Variants in DACH1 observed in about 807,000 individuals in gnomAD.
The protein encoded by DACH1 is dachshund family transcription factor 1.
A neutral mutation model predicts 54.2 loss-of-function variants in DACH1; 12 were observed. The observed-to-expected ratio is 0.22, with a 90% CI of 0.14 to 0.36. The LOEUF is 0.36. DACH1 is among the 10% of genes least tolerant of loss of function. The pLI is 1.00. For synonymous variants in DACH1, 386 were observed against 366.2 expected (o/e 1.05, Z -0.62); for missense variants, 805 against 929.8 (o/e 0.87, Z 1.75).
rs368550520 is a variant in DACH1 at position 71,737,515 on chromosome 13, A to G, written c.849-55605T>C. On this transcript the variant is annotated intron_variant, in intron 1 of 10. Coordinates refer to ENST00000613252, the MANE Select transcript of DACH1 (RefSeq NM_080759.6). Reference sequence around the variant, plus strand: ...TGATGAAGGCATCTTTAAAATGGAGAAGAATGCAATCAATCTGGAAATAGT... The same window carrying G: ...TGATGAAGGCATCTTTAAAATGGAGGAGAATGCAATCAATCTGGAAATAGT... Among the ~76,000 whole-genome samples the G allele has an allele frequency of 3.9e-5, 6 of 152,208 alleles. No individual in the cohort carries two copies. In the South Asian group the frequency reaches 1.0e-3, roughly 26 times the overall value.
intron 1 of DACH1, among the ~76,000 whole-genome samples, chr13:71,705,219 C>A (rs1375971465): frequency 6.6e-6 from 1 of 152,272 alleles, no homozygotes; most frequent in African/African-American, 2.4e-5. Context: ...TGTCATAAAT[C>A]TTGGACTTCG....
intron 1 of DACH1, among the ~76,000 whole-genome samples, chr13:71,779,238 C>CATATACGTATATATACGT (rs1886246121): frequency 1.4e-5 from 1 of 71,456 alleles, no homozygotes; most frequent in African/African-American, 7.4e-5. Flanking sequence ...TATATATACA[C>CATATACGTATATATACGT]ATATATACGT....
chr13:71,857,653 C>T (rs1299592482), intron 1 of DACH1, among the ~76,000 whole-genome samples: 1 of 151,712 alleles, frequency 6.6e-6, no homozygotes, highest in African/African-American at 2.4e-5. Flanking sequence ...CAAGAACATT[C>T]ATCCTCATAT....
intron 1 of DACH1, among the ~76,000 whole-genome samples, chr13:71,858,240 A>T (rs945548347): frequency 6.6e-6 from 1 of 151,534 alleles, no homozygotes; most frequent in Non-Finnish European, 1.5e-5. Flanking sequence ...AAATAAGGTT[A>T]TTTTTTTCCT....
intron 1 of DACH1, among the ~76,000 whole-genome samples, chr13:71,721,139 C>A (rs74099113): frequency 0.04 from 6,018 of 152,166 alleles, 277 homozygotes; most frequent in African/African-American, 0.11. Context: ...CATGATTTCC[C>A]TATACATAGT....
intron 1 of DACH1, among the ~76,000 whole-genome samples, chr13:71,865,002 C>T (rs757075564): frequency 3.3e-5 from 5 of 152,150 alleles, no homozygotes; most frequent in Non-Finnish European, 7.3e-5. Flanking sequence ...AGACAGAGAA[C>T]TCGAAAGAGA....
intron 1 of DACH1, among the ~76,000 whole-genome samples, chr13:71,856,779 T>C (rs1314784620): frequency 6.6e-6 from 1 of 151,894 alleles, no homozygotes; most frequent in Non-Finnish European, 1.5e-5. Context: ...GAGAAAGTAA[T>C]TGATTTCAAT....
intron 2 of DACH1, among the ~76,000 whole-genome samples, chr13:71,676,676 G>T (rs531018712): frequency 4.6e-5 from 7 of 152,272 alleles, no homozygotes; most frequent in African/African-American, 1.7e-4. Flanking sequence ...ATATGTTTAT[G>T]AATTCACTAC....
intron 1 of DACH1, among the ~76,000 whole-genome samples, chr13:71,753,739 G>C (rs1885021420): frequency 6.6e-6 from 1 of 152,084 alleles, no homozygotes; most frequent in South Asian, 2.1e-4. Flanking sequence ...TCAATTATCT[G>C]CAATGGTTTA....
intron 2 of DACH1, among the ~76,000 whole-genome samples, chr13:71,663,809 CGATAGTT>C (rs1879660903): frequency 6.6e-6 from 1 of 151,792 alleles, no homozygotes; most frequent in South Asian, 2.1e-4. Flanking sequence ...AGGTATTTGA[CGATAGTT>C]GATATAATTC....
rs112423739 is a variant in DACH1, at chr13:71,814,419, C to T, written c.848+51503G>A. On this transcript the variant is annotated intron_variant, in intron 1 of 10. Coordinates refer to ENST00000613252, the MANE Select transcript of DACH1 (RefSeq NM_080759.6). Reference sequence around the variant, plus strand: ...TATGCTGCATGTATAGTTGTAACATCGGTATAAAGAGATAATATTTTAAAA... The same window carrying T: ...TATGCTGCATGTATAGTTGTAACATTGGTATAAAGAGATAATATTTTAAAA... Among the ~76,000 whole-genome samples, 611 of 152,198 alleles carry T rather than the reference C, an allele frequency of 4.0e-3. 1 individual carries two copies. Among genetic ancestry groups the T allele is most frequent in the African/African-American group, 0.014 (592 of 41,514 alleles).
At chr13:71,594,521 A>T (rs1240813001) in intron 3 of DACH1, among the ~76,000 whole-genome samples, 1 of 152,140 alleles carries the variant, frequency 6.6e-6, no homozygotes, top group Non-Finnish European at 1.5e-5. Flanking sequence ...CAGCCATAAA[A>T]TTCAATTAAA....
At chr13:71,733,363 G>A (rs1288610540) in intron 1 of DACH1, among the ~76,000 whole-genome samples, 1 of 152,024 alleles carries the variant, frequency 6.6e-6, no homozygotes, top group Non-Finnish European at 1.5e-5. Flanking sequence ...TTTGTGTTTT[G>A]TAGAGATAAG....
intron 6 of DACH1, among the ~76,000 whole-genome samples, chr13:71,528,148 A>T (rs1213322652): frequency 6.6e-6 from 1 of 152,162 alleles, no homozygotes; most frequent in East Asian, 1.9e-4. Flanking sequence ...AAGGAAAGAA[A>T]TATGTTGTTG....
intron 1 of DACH1, among the ~76,000 whole-genome samples, chr13:71,727,386 G>C (rs576259163): frequency 3.0e-4 from 46 of 152,032 alleles, no homozygotes; most frequent in African/African-American, 1.1e-3. Context: ...TAATTTTCTA[G>C]ATCTTCCCTA....
chr13:71,809,634 T>G (rs1887635451), intron 1 of DACH1, among the ~76,000 whole-genome samples: 1 of 152,220 alleles, frequency 6.6e-6, no homozygotes, highest in Non-Finnish European at 1.5e-5. Context: ...ATCAATTTCT[T>G]ATTTTTTCCA....
chr13:71,470,572 C>T (rs980843396), intron 10 of DACH1, among the ~76,000 whole-genome samples: 2 of 152,044 alleles, frequency 1.3e-5, no homozygotes, highest in African/African-American at 4.8e-5. Context: ...TGGGATCCGC[C>T]CTACTCAGCC....
In DACH1 at chr13:71,479,238, C is replaced by T; in HGVS notation, c.1801G>A (p.Asp601Asn). The change falls in exon 8 of 11, where the codon GAT (aspartate) becomes AAT (asparagine). Residue 601 changes from aspartate to asparagine, a missense_variant. Transcript: ENST00000613252. The stretch of plus-strand genomic sequence containing the variant: ...CTTAGTTCTCTTTCCCTTAAAAAAT[C>T]CATCTTCAGCTCAGTTTTTTCCAGT... ...VQLEKTELKM[D>N]FLRERELRET... The T allele has an allele frequency of 1.9e-6, 3 of 1,613,846 alleles. No individual in the cohort carries two copies. The highest frequency in any genetic ancestry group is 2.5e-6 in the Non-Finnish European group (3 of 1,179,884).
chr13:71,484,449 G>C (rs146417576), intron 7 of DACH1, among the ~76,000 whole-genome samples: 10 of 152,132 alleles, frequency 6.6e-5, no homozygotes, highest in African/African-American at 2.4e-4. Context: ...TTACAGGTAT[G>C]AGTCACAGCA....
Sources: gnomAD v4.1 joint callset for allele counts (sites outside exome capture counted in the v4.1 genomes callset) on GRCh38, gnomAD v4.1.1 for gene constraint, MANE v1.5 for transcripts, NCBI Gene and HGNC (gene_info 2026-07-23, HGNC 2026-07-21) for gene names.